KIF21A: variants seen among roughly 807,000 people sequenced by gnomAD.
KIF21A encodes kinesin family member 21A, also known as kinesin-like protein KIF21A.
A neutral mutation model predicts 202.9 loss-of-function variants in KIF21A; 114 were observed. That is an observed-to-expected ratio of 0.56 (90% CI 0.48 to 0.66). KIF21A has a LOEUF of 0.66. Among genes scored for constraint, KIF21A ranks in the 30% least tolerant of loss-of-function variants. The probability of loss-of-function intolerance (pLI) is 0.00; values close to 1 mark genes in which losing one functional copy is unlikely to be tolerated. For missense variants in KIF21A, 1,677 were observed against 1,994.9 expected (o/e 0.84, Z 3.04); for synonymous variants, 667 against 670.8 (o/e 0.99, Z 0.09).
chr12:39,337,075 TGA>T lies in KIF21A; in HGVS notation c.2418+19_2418+20del. ...TCAACGTACAATTTTCTTATATAAC[TGA>T]GAGTTAAAATCCACTTACATCTCTT... On this transcript the variant is annotated intron_variant, in intron 17 of 37. Transcript: ENST00000361418. 6.8e-7 allele frequency: 1 copy of T among 1,472,878 alleles called. No individual in the cohort carries two copies. Among genetic ancestry groups the T allele is most frequent in the Non-Finnish European group, 9.5e-7 (1 of 1,054,776 alleles). The allele number at this position is 1,472,878 out of a possible 1,614,324, so 91.2% of individuals were successfully genotyped here. A position where few individuals can be genotyped will look rare whatever the true frequency, so the allele number is the denominator to read the frequency against.
intron 1 of KIF21A, among the ~76,000 whole-genome samples, chr12:39,372,168 A>G (rs956685240): frequency 1.3e-5 from 2 of 152,186 alleles, no homozygotes; most frequent in Non-Finnish European, 2.9e-5. Context: ...TAAAAGGTTA[A>G]CAGGAAGAAC....
chr12:39,400,984 A>G (rs1008263457), intron 1 of KIF21A, among the ~76,000 whole-genome samples: 8 of 152,200 alleles, frequency 5.3e-5, no homozygotes, highest in Admixed American at 5.2e-4. Flanking sequence ...TGGAAGCCAA[A>G]CCAGAAGATT....
intron 1 of KIF21A, among the ~76,000 whole-genome samples, chr12:39,415,300 C>A (rs1053770707): frequency 1.1e-4 from 14 of 131,240 alleles, no homozygotes; most frequent in African/African-American, 3.8e-4. Context: ...AGTGCACTGG[C>A]GCGATCTCGA....
At chr12:39,405,224 C>T (rs1456220810) in intron 1 of KIF21A, among the ~76,000 whole-genome samples, 1 of 151,880 alleles carries the variant, frequency 6.6e-6, no homozygotes, top group Non-Finnish European at 1.5e-5. Context: ...TGGTGGCAGG[C>T]GCCTGTAATC....
intron 1 of KIF21A, among the ~76,000 whole-genome samples, chr12:39,386,148 C>T (rs1468432968): frequency 1.3e-5 from 2 of 152,216 alleles, no homozygotes; most frequent in Non-Finnish European, 2.9e-5. Context: ...ACACCCTGCA[C>T]ATTCTAAGCT....
At chr12:39,432,251 T>C (rs1938028768) in intron 1 of KIF21A, among the ~76,000 whole-genome samples, 1 of 152,228 alleles carries the variant, frequency 6.6e-6, no homozygotes, top group Non-Finnish European at 1.5e-5. Context: ...TTTACATAGA[T>C]ATAGGTGAAA....
intron 1 of KIF21A, among the ~76,000 whole-genome samples, chr12:39,389,697 T>G (rs2139621830): frequency 6.6e-6 from 1 of 152,334 alleles, no homozygotes; most frequent in South Asian, 2.1e-4. Flanking sequence ...GACCACCTTC[T>G]TCTAGGAGCA....
intron 10 of KIF21A, among the ~76,000 whole-genome samples, chr12:39,354,227 A>T (rs1948607152): frequency 6.6e-6 from 1 of 152,196 alleles, no homozygotes; most frequent in African/African-American, 2.4e-5. Flanking sequence ...AAATAAGTGA[A>T]TTACAACAGG....
At chr12:39,301,303 G>A (rs1423392499) in intron 37 of KIF21A, among the ~76,000 whole-genome samples, 177 bp downstream of exon 37, 2 of 152,158 alleles carry the variant, frequency 1.3e-5, no homozygotes, top group Non-Finnish European at 2.9e-5. Flanking sequence ...AACCTGGGGT[G>A]CCTAAATTCA....
intron 1 of KIF21A, among the ~76,000 whole-genome samples, chr12:39,392,437 A>G (rs1415959442): frequency 6.6e-6 from 1 of 152,160 alleles, no homozygotes; most frequent in Admixed American, 6.6e-5. Context: ...TTTGCTGCAC[A>G]TAAGGGAGAT....
At chr12:39,432,403 T>C (rs1938053614) in intron 1 of KIF21A, among the ~76,000 whole-genome samples, 1 of 152,170 alleles carries the variant, frequency 6.6e-6, no homozygotes, top group African/African-American at 2.4e-5. Flanking sequence ...TGTTCATCAG[T>C]AGAAATGAAA....
chr12:39,332,548 C>T (rs201935431), intron 20 of KIF21A, 43 bp downstream of exon 20: 63 of 1,356,478 alleles, frequency 4.6e-5, no homozygotes, highest in Non-Finnish European at 5.9e-5. Flanking sequence ...GTAAAATTAA[C>T]AGTTAGCTAA....
chr12:39,368,054 T>C, intron 3 of KIF21A, 22 bp from the exon 4 acceptor site: 1 of 1,489,450 alleles, frequency 6.7e-7, no homozygotes, highest in Non-Finnish European at 9.3e-7. Flanking sequence ...ATATTAGAAA[T>C]CTAATTTTAG....
At chr12:39,412,960 T>A (rs1438457859) in intron 1 of KIF21A, among the ~76,000 whole-genome samples, 1 of 152,194 alleles carries the variant, frequency 6.6e-6, no homozygotes, top group Non-Finnish European at 1.5e-5. Context: ...TTTTTAAAAA[T>A]CTCATTTAAA....
At chr12:39,409,275 C>G (rs1212300692) in intron 1 of KIF21A, among the ~76,000 whole-genome samples, 1 of 151,318 alleles carries the variant, frequency 6.6e-6, no homozygotes, top group Non-Finnish European at 1.5e-5. Flanking sequence ...ATCCCAGCAC[C>G]TTAGGAGGCT....
intron 1 of KIF21A, among the ~76,000 whole-genome samples, chr12:39,427,105 T>C (rs1954825294): frequency 6.6e-6 from 1 of 152,154 alleles, no homozygotes; most frequent in Non-Finnish European, 1.5e-5. Context: ...TGAATCATCT[T>C]GCATTTCCCC....
chr12:39,331,029 T>C, intron 22 of KIF21A, 118 bp from the exon 23 acceptor site: 1 of 953,864 alleles, frequency 1.0e-6, no homozygotes, highest in Non-Finnish European at 1.7e-6. Flanking sequence ...AGACCTCGAG[T>C]CATCCCAGCT....
At chr12:39,353,313 C>T (rs922756522) in intron 10 of KIF21A, among the ~76,000 whole-genome samples, 1 of 151,828 alleles carries the variant, frequency 6.6e-6, no homozygotes, top group African/African-American at 2.4e-5. Context: ...GAATGAGCCA[C>T]CCCACCTGGT....
rs982903798 is a variant in KIF21A at position 39,332,728 on chromosome 12, T to C, written c.2719A>G (p.Lys907Glu). 1 of 1,614,106 alleles carries C rather than the reference T, an allele frequency of 6.2e-7. No homozygotes were observed. Among genetic ancestry groups the C allele is most frequent in the Admixed American group, 1.7e-5 (1 of 60,006 alleles). Residue 907 changes from lysine to glutamate, a missense_variant, in exon 20 of 38, where the codon AAA becomes GAA. Around this residue, in one of 3 missense-constraint regions of KIF21A, gnomAD observed 966 missense variants for 1,180.9 expected, o/e 0.82. Transcript: ENST00000361418. ...ATAAACACTCGGCCAGTCAATCCTT[T>C]CCTCTGATATTTTTTCCTATAATCA... ...TNGNRKKYQR[K>E]GLTGRVFISK...
Sources: gnomAD v4.1 joint callset for allele counts (sites outside exome capture counted in the v4.1 genomes callset) on GRCh38, gnomAD v4.1.1 for gene constraint, gnomAD v4.1.1 regional missense constraint, MANE v1.5 for transcripts, NCBI Gene and HGNC (gene_info 2026-07-23, HGNC 2026-07-21) for gene names.